The following ABLIM1 variants were observed in gnomAD, a reference collection of about 807,000 sequenced individuals.
The protein encoded by ABLIM1 is actin-binding LIM protein 1.
Under a neutral mutation model 107.0 loss-of-function variants are expected in ABLIM1, and 40 were observed. That is an observed-to-expected ratio of 0.37 (90% CI 0.29 to 0.49). The LOEUF is 0.49. Among genes scored for constraint, ABLIM1 ranks in the 20% least tolerant of loss-of-function variants. The probability of loss-of-function intolerance (pLI) is 0.97; values close to 1 mark genes in which losing one functional copy is unlikely to be tolerated. For synonymous variants in ABLIM1, 357 were observed against 357.3 expected, an observed-to-expected ratio of 1.00 and a Z score of 0.01; for missense variants, 857 against 1,008.5, an observed-to-expected ratio of 0.85 and a Z score of 2.04.
intron 1 of ABLIM1, among the ~76,000 whole-genome samples, chr10:114,755,442 C>A (rs35952431): frequency 0.013 from 1,943 of 152,204 alleles, 32 homozygotes; most frequent in African/African-American, 0.043. Flanking sequence ...TTTCAGATAC[C>A]AAGTGGAGGT....
At chr10:114,479,683 T>C (rs761608987) in intron 8 of ABLIM1, among the ~76,000 whole-genome samples, 24 of 152,346 alleles carry the variant, frequency 1.6e-4, no homozygotes, top group Non-Finnish European at 2.8e-4. Context: ...CAGTCCCTAA[T>C]GTCTCTCAGA....
At chr10:114,487,902 C>T (rs2058410900) in intron 8 of ABLIM1, 56 bp downstream of exon 8, 2 of 1,592,220 alleles carry the variant, frequency 1.3e-6, no homozygotes, top group Non-Finnish European at 1.7e-6. Context: ...GAATTAGTGA[C>T]CACGAGCGTA....
At chr10:114,725,936 T>C (rs2081949954) in intron 1 of ABLIM1, among the ~76,000 whole-genome samples, 1 of 152,132 alleles carries the variant, frequency 6.6e-6, no homozygotes, top group South Asian at 2.1e-4. Flanking sequence ...TTTGTAGAGA[T>C]GGGGTCTCGC....
chr10:114,542,145 A>G (rs971115657), intron 6 of ABLIM1, among the ~76,000 whole-genome samples: 1 of 152,168 alleles, frequency 6.6e-6, no homozygotes, highest in Non-Finnish European at 1.5e-5. Context: ...TTGGTTGCTC[A>G]TGCCTGTAAT....
At position 114,509,753 on chromosome 10, in the gene ABLIM1, C is replaced by T. The variant is rs140375372; in HGVS notation, c.895-17875G>A. 4.7e-3 allele frequency among the ~76,000 whole-genome samples: 723 copies of T among 152,282 alleles called. 8 individuals are homozygous for T. The highest frequency in any genetic ancestry group is 0.016 in the African/African-American group (684 of 41,554). On this transcript the variant is annotated intron_variant, in intron 6 of 22. Transcript: ENST00000533213. ...CCATGCCTTGGCCATGTGGGCTCTGCGTCAGCCTCAAATATGTTAACCTGC... is the reference window on the plus strand; with the variant it reads ...CCATGCCTTGGCCATGTGGGCTCTGTGTCAGCCTCAAATATGTTAACCTGC...
Position 114,447,996 on chromosome 10 carries a change from G to A in ABLIM1, c.1619C>T (p.Ser540Phe). ...GGAAAACTTGATGATATCTTCTGAG[G>A]ACTTGCTCTGGGCTGCCAAGGCAGC... is the stretch of plus-strand genomic sequence containing the variant. ...QHAALAAQSKSSEDIIKFSKF... is the reference protein window; with the variant it reads ...QHAALAAQSKFSEDIIKFSKF... Residue 540 changes from serine to phenylalanine, a missense_variant, in exon 15 of 23, where the codon TCC (serine) becomes TTC (phenylalanine). This residue lies in a region of ABLIM1 where 103 missense variants were observed against 101.0 expected (regional missense o/e 1.02). Coordinates refer to ENST00000533213, the MANE Select transcript of ABLIM1 (RefSeq NM_002313.7). 1 of 1,614,158 alleles carries A rather than the reference G, an allele frequency of 6.2e-7. No individual in the cohort carries two copies. The highest frequency in any genetic ancestry group is 1.3e-5 in the African/African-American group (1 of 75,034).
At chr10:114,505,460 T>C (rs1001993073) in intron 6 of ABLIM1, among the ~76,000 whole-genome samples, 4 of 152,198 alleles carry the variant, frequency 2.6e-5, no homozygotes, top group Admixed American at 2.0e-4. Context: ...ATCGCTCCCA[T>C]GCCAGCTGCT....
At position 114,464,142 on chromosome 10, in the gene ABLIM1, T is replaced by A. The variant is rs546563699; in HGVS notation, c.1441+1556A>T. On this transcript the variant is annotated intron_variant, in intron 12 of 22. Transcript: ENST00000533213. ...GGCAACTCCATGGCTGGGGTCTCAG[T>A]GACCTCAGCATATGTACATGAGCAG... 4.0e-5 allele frequency among the ~76,000 whole-genome samples: 6 copies of A among 151,516 alleles called. No individual in the cohort carries two copies. In the South Asian group the frequency reaches 1.3e-3, roughly 32 times the overall value.
At chr10:114,532,639 G>T (rs1214430714) in intron 6 of ABLIM1, among the ~76,000 whole-genome samples, 1 of 152,192 alleles carries the variant, frequency 6.6e-6, no homozygotes, top group African/African-American at 2.4e-5. Flanking sequence ...GCCCGGAAGA[G>T]AAATTATTCT....
At chr10:114,728,583 ATGGAGAGCC>A in intron 1 of ABLIM1, among the ~76,000 whole-genome samples, 1 of 132,472 alleles carries the variant, frequency 7.5e-6, no homozygotes. Context: ...GAAAGACAAA[ATGGAGAGCC>A]AAAAAAAAAA....
At chr10:114,567,281 C>T (rs1335078844) in intron 4 of ABLIM1, among the ~76,000 whole-genome samples, 1 of 152,186 alleles carries the variant, frequency 6.6e-6, no homozygotes, top group Non-Finnish European at 1.5e-5. Flanking sequence ...GGAGCCAGAT[C>T]ACCTGGGTTT....
chr10:114,626,117 G>A (rs1252145376), intron 1 of ABLIM1, among the ~76,000 whole-genome samples: 1 of 152,174 alleles, frequency 6.6e-6, no homozygotes, highest in African/African-American at 2.4e-5. Context: ...GGGTTTTTGA[G>A]CTGGGAAATG....
rs373131370 is a variant in ABLIM1 at position 114,476,764 on chromosome 10, AC to A, written c.1042-2809del. Among the ~76,000 whole-genome samples the A allele has an allele frequency of 1.6e-4, 25 of 152,100 alleles. No homozygotes were observed. In the South Asian group the frequency reaches 5.2e-3, roughly 32 times the overall value. On this transcript the variant is annotated intron_variant, in intron 8 of 22. Transcript: ENST00000533213. ...TATTCCTCCTTTACAAGGAGATGCT[AC>A]CCCCTGAAAAAGCTGAACCTGTATC...
intron 3 of ABLIM1, 138 bp from the exon 4 acceptor site, chr10:114,571,544 A>C (rs891483382): frequency 5.1e-6 from 4 of 783,764 alleles, no homozygotes; most frequent in African/African-American, 3.4e-5. Context: ...TGCAGTCATA[A>C]CCAAGCCAGC....
At chr10:114,620,968 G>A (rs1357398522) in intron 1 of ABLIM1, among the ~76,000 whole-genome samples, 1 of 152,106 alleles carries the variant, frequency 6.6e-6, no homozygotes, top group Non-Finnish European at 1.5e-5. Flanking sequence ...TCTGACCCCA[G>A]TTCTAATCAT....
chr10:114,703,382 G>A (rs1276845838), intron 1 of ABLIM1, among the ~76,000 whole-genome samples: 5 of 152,198 alleles, frequency 3.3e-5, no homozygotes, highest in Non-Finnish European at 5.9e-5. Flanking sequence ...TGGCATGTTC[G>A]TCTTACGGGA....
intron 1 of ABLIM1, among the ~76,000 whole-genome samples, chr10:114,709,070 T>C (rs1392413221): frequency 6.6e-6 from 1 of 152,228 alleles, no homozygotes; most frequent in Non-Finnish European, 1.5e-5. Flanking sequence ...TATGGCTGTA[T>C]GGTCACTTCC....
At chr10:114,519,353 T>G (rs1193093897) in intron 6 of ABLIM1, among the ~76,000 whole-genome samples, 1 of 152,124 alleles carries the variant, frequency 6.6e-6, no homozygotes, top group East Asian at 1.9e-4. Flanking sequence ...GAAAAGGAGG[T>G]AGAGAAGAGA....
intron 8 of ABLIM1, among the ~76,000 whole-genome samples, chr10:114,474,871 T>C (rs1166139129): frequency 6.6e-6 from 1 of 152,198 alleles, no homozygotes; most frequent in Non-Finnish European, 1.5e-5. Flanking sequence ...TGATAGTGAA[T>C]AAGTCTCACG....
Sources: allele counts gnomAD v4.1 joint callset (sites outside exome capture counted in the v4.1 genomes callset), GRCh38; gene constraint gnomAD v4.1.1; regional missense constraint gnomAD v4.1.1; transcripts MANE v1.5; gene names NCBI Gene and HGNC (gene_info 2026-07-23, HGNC 2026-07-21).